The following HDAC9 variants were observed in gnomAD, a reference collection of about 807,000 sequenced individuals.
The protein encoded by HDAC9 is MEF-2 interacting transcription repressor (MITR) protein.
Under a neutral mutation model 139.4 loss-of-function variants are expected in HDAC9, and 41 were observed. The observed-to-expected ratio is 0.29, with a 90% CI of 0.23 to 0.38. The LOEUF (loss-of-function observed/expected upper bound fraction) is 0.38. Among genes scored for constraint, HDAC9 ranks in the 10% least tolerant of loss-of-function variants. The pLI is 1.00. For missense variants in HDAC9, 1,147 were observed against 1,297.0 expected, an observed-to-expected ratio of 0.88 and a Z score of 1.78; for synonymous variants, 517 against 476.2, an observed-to-expected ratio of 1.09 and a Z score of -1.12.
At chr7:18,515,245 A>G (rs956632953) in intron 2 of HDAC9, among the ~76,000 whole-genome samples, 1 of 152,240 alleles carries the variant, frequency 6.6e-6, no homozygotes. Flanking sequence ...ATCTTTTGAA[A>G]TGTAATGCAT....
intron 12 of HDAC9, among the ~76,000 whole-genome samples, chr7:18,682,146 A>G (rs1211534413): frequency 6.6e-6 from 1 of 152,076 alleles, no homozygotes; most frequent in African/African-American, 2.4e-5. Context: ...AAATGACCTT[A>G]TAATATAGTT....
intron 1 of HDAC9, among the ~76,000 whole-genome samples, chr7:18,130,007 C>G (rs1317832891): frequency 6.6e-6 from 1 of 152,098 alleles, no homozygotes; most frequent in Non-Finnish European, 1.5e-5. Flanking sequence ...CTAGACAAAA[C>G]CAAACCAAAC....
intron 2 of HDAC9, among the ~76,000 whole-genome samples, chr7:18,172,764 A>G (rs1157449359): frequency 6.6e-6 from 1 of 152,154 alleles, no homozygotes; most frequent in Non-Finnish European, 1.5e-5. Flanking sequence ...TGCAGTTTTG[A>G]GTGAGTTTCT....
chr7:18,275,009 A>T (rs1325962584), intron 2 of HDAC9, among the ~76,000 whole-genome samples: 1 of 152,212 alleles, frequency 6.6e-6, no homozygotes, highest in Admixed American at 6.5e-5. Context: ...TTGTATGTCT[A>T]GCCCAGGCAG....
chr7:18,426,340 T>C (rs1212843401), intron 1 of HDAC9, among the ~76,000 whole-genome samples: 1 of 152,218 alleles, frequency 6.6e-6, no homozygotes, highest in Non-Finnish European at 1.5e-5. Flanking sequence ...GTGGCGGCGT[T>C]TATGCAAATG....
intron 6 of HDAC9, among the ~76,000 whole-genome samples, chr7:18,601,692 T>A (rs1219080670): frequency 6.6e-6 from 1 of 152,136 alleles, no homozygotes; most frequent in African/African-American, 2.4e-5. Context: ...TAATGTTGGG[T>A]TTTGTCAAGT....
intron 12 of HDAC9, among the ~76,000 whole-genome samples, chr7:18,689,345 C>G (rs933216213): frequency 6.6e-6 from 1 of 151,924 alleles, no homozygotes; most frequent in Non-Finnish European, 1.5e-5. Context: ...TTTCAAAATT[C>G]AGAAACGCCC....
chr7:18,297,037 A>C (rs1037800959), intron 1 of HDAC9, among the ~76,000 whole-genome samples: 8 of 152,196 alleles, frequency 5.3e-5, no homozygotes, highest in African/African-American at 1.7e-4. Context: ...CTGTCTGGGC[A>C]ATTCAAGATA....
chr7:18,198,408 T>A (rs2128157505), intron 2 of HDAC9, among the ~76,000 whole-genome samples: 1 of 152,282 alleles, frequency 6.6e-6, no homozygotes, highest in East Asian at 1.9e-4. Context: ...CTTCCAACTG[T>A]AAAATCTTCT....
rs145922219 is a variant in HDAC9, at chr7:18,374,685, T to G, written c.-42+84170T>G. On this transcript the variant is annotated intron_variant, in intron 1 of 3. Coordinates refer to the HDAC9 transcript ENST00000413509. The stretch of plus-strand genomic sequence containing the variant: ...TCAGTCATTGACTGAAACATTGTTA[T>G]GCTGGGTGTCTCCAGACCTCTTAAA... Among the ~76,000 whole-genome samples, 109 of 152,226 alleles carry G rather than the reference T, an allele frequency of 7.2e-4. No individual in the cohort carries two copies. The East Asian group carries it at 0.019, about 26-fold the overall frequency.
chr7:18,480,104 A>T, intron 1 of HDAC9, among the ~76,000 whole-genome samples: 1 of 151,728 alleles, frequency 6.6e-6, no homozygotes, highest in East Asian at 1.9e-4. Context: ...CTGAGATAAA[A>T]GTAAATTTAT....
At chr7:18,759,837 G>C (rs1224974685) in intron 14 of HDAC9, among the ~76,000 whole-genome samples, 3 of 152,134 alleles carry the variant, frequency 2.0e-5, no homozygotes, top group Non-Finnish European at 4.4e-5. Flanking sequence ...AATAAGCAAA[G>C]GTGTTGGACA....
At chr7:18,732,667 GTA>G (rs755611644) in intron 13 of HDAC9, among the ~76,000 whole-genome samples, 1,698 of 132,792 alleles carry the variant, frequency 0.013, 285 homozygotes, top group African/African-American at 0.035. Flanking sequence ...ACACACACGT[GTA>G]TATGTGTGCG....
intron 1 of HDAC9, among the ~76,000 whole-genome samples, chr7:18,308,153 A>G (rs1399031429): frequency 2.0e-5 from 3 of 152,226 alleles, no homozygotes; most frequent in Non-Finnish European, 4.4e-5. Context: ...AAACATTTTA[A>G]TAGTGTCACT....
intron 2 of HDAC9, among the ~76,000 whole-genome samples, chr7:18,271,398 C>T (rs922219214): frequency 6.6e-6 from 1 of 152,162 alleles, no homozygotes; most frequent in Non-Finnish European, 1.5e-5. Context: ...GGATCCATAA[C>T]TTAGAACATT....
rs570449834 is a variant in HDAC9 at position 18,912,596 on chromosome 7, G to A, written c.2804-23213G>A. ...TTGCCACAACTTGAAGGTCCCACTA[G>A]CATCCAGTGGGTAGTGCCCAAGGAT... On this transcript the variant is annotated intron_variant, in intron 22 of 25. Transcript: ENST00000686413. Among the ~76,000 whole-genome samples, 10 of 152,178 alleles carry A rather than the reference G, an allele frequency of 6.6e-5. No individual in the cohort carries two copies. In the South Asian group the frequency reaches 1.5e-3, roughly 22 times the overall value.
intron 2 of HDAC9, among the ~76,000 whole-genome samples, chr7:18,206,791 A>T (rs2128164163): frequency 6.6e-6 from 1 of 152,340 alleles, no homozygotes; most frequent in South Asian, 2.1e-4. Flanking sequence ...TTTTGTTGGT[A>T]ATCCCAGTTC....
intron 16 of HDAC9, among the ~76,000 whole-genome samples, chr7:18,778,190 C>T (rs375634473): frequency 1.2e-3 from 183 of 151,716 alleles, no homozygotes; most frequent in African/African-American, 4.3e-3. Flanking sequence ...TAGCCCTAGC[C>T]GTAAGAAAAA....
rs1491315106 is a variant in HDAC9 at position 18,257,400 on chromosome 7, C to CA, written c.25+95051_25+95052insA. Among the ~76,000 whole-genome samples the CA allele has an allele frequency of 7.5e-3, 951 of 126,438 alleles. 11 individuals are homozygous for CA. The highest frequency in any genetic ancestry group is 0.028 in the African/African-American group (900 of 31,666). 82.9% of individuals were successfully genotyped at this position (126,438 alleles called of 152,430 possible). ...TCTCTCTCTCTCTCTCTCTGTCTCTCCCACACACACACACACACACACACA... is the reference window on the plus strand; with the variant it reads ...TCTCTCTCTCTCTCTCTCTGTCTCTCACCACACACACACACACACACACACA... On this transcript the variant is annotated intron_variant, in intron 2 of 12. Coordinates refer to the HDAC9 transcript ENST00000417496.
Sources: gnomAD v4.1 joint callset for allele counts (sites outside exome capture counted in the v4.1 genomes callset) on GRCh38, gnomAD v4.1.1 for gene constraint, MANE v1.5 for transcripts, NCBI Gene and HGNC (gene_info 2026-07-23, HGNC 2026-07-21) for gene names.